TXNL4A: variants seen among roughly 807,000 people sequenced by gnomAD.
TXNL4A encodes the protein thioredoxin like 4A, also known as thioredoxin-like protein 4A.
In TXNL4A, 17 loss-of-function variants were observed where a neutral mutation model predicts 14.6. The observed-to-expected ratio is 1.16, with a 90% CI of 0.80 to 1.74. The LOEUF (loss-of-function observed/expected upper bound fraction) is 1.74. Among genes scored for constraint, TXNL4A ranks in the 40% most tolerant of loss-of-function variants. The pLI, the probability that TXNL4A is intolerant of heterozygous loss-of-function variation, is 0.00. For synonymous variants in TXNL4A, 83 were observed against 70.6 expected, an observed-to-expected ratio of 1.18 and a Z score of -0.88; for missense variants, 74 against 195.2, an observed-to-expected ratio of 0.38 and a Z score of 3.70.
chr18:79,986,256 G>A (rs1307215776), intron 1 of TXNL4A, among the ~76,000 whole-genome samples: 1 of 152,142 alleles, frequency 6.6e-6, no homozygotes, highest in African/African-American at 2.4e-5. Flanking sequence ...GGCTGGTCTC[G>A]AATCCCTGGG....
chr18:80,007,049 G>T (rs556196188), intron 1 of TXNL4A, among the ~76,000 whole-genome samples: 1 of 152,132 alleles, frequency 6.6e-6, no homozygotes, highest in Non-Finnish European at 1.5e-5. Context: ...CACAGCTGCC[G>T]GCATTCACCT....
intron 1 of TXNL4A, among the ~76,000 whole-genome samples, chr18:80,000,956 G>C (rs1444047018): frequency 2.0e-5 from 3 of 152,214 alleles, no homozygotes; most frequent in African/African-American, 7.2e-5. Flanking sequence ...CCAAATGTTA[G>C]TCACCAAGAC....
At chr18:80,029,680 T>A (rs1437282185) in intron 1 of TXNL4A, among the ~76,000 whole-genome samples, 1 of 152,116 alleles carries the variant, frequency 6.6e-6, no homozygotes, top group Admixed American at 6.6e-5. Flanking sequence ...TAAATTCACC[T>A]CCAGGCATTT....
At chr18:80,028,218 G>A (rs927951056) in intron 1 of TXNL4A, among the ~76,000 whole-genome samples, 1 of 148,652 alleles carries the variant, frequency 6.7e-6, no homozygotes, top group African/African-American at 2.5e-5. Context: ...GTGGCTTGAG[G>A]GCTGCCTCCT....
intron 2 of TXNL4A, among the ~76,000 whole-genome samples, chr18:79,975,218 G>A (rs1420492091): frequency 6.6e-6 from 1 of 152,184 alleles, no homozygotes; most frequent in Non-Finnish European, 1.5e-5. Context: ...TTACTCAGCT[G>A]TTTCTATCAG....
At chr18:79,999,296 G>A (rs941716637) in intron 1 of TXNL4A, among the ~76,000 whole-genome samples, 1 of 152,126 alleles carries the variant, frequency 6.6e-6, no homozygotes, top group Admixed American at 6.6e-5. Flanking sequence ...AGCACTTTGG[G>A]AGGCCGAGGC....
chr18:80,019,107 C>G (rs1320892649), intron 1 of TXNL4A, among the ~76,000 whole-genome samples: 2 of 152,226 alleles, frequency 1.3e-5, no homozygotes, highest in African/African-American at 4.8e-5. Flanking sequence ...TGCCTGTTAC[C>G]TAGTTCCAAA....
Position 79,982,261 on chromosome 18 carries a change from C to T in TXNL4A, c.154-4560G>A, listed in dbSNP as rs2051475854. On this transcript the variant is annotated intron_variant, in intron 1 of 2. Coordinates refer to ENST00000269601, the MANE Select transcript of TXNL4A (RefSeq NM_006701.5). This position sits in a 1 kb window ranked among gnomAD's most constrained non-coding sequence, Gnocchi z 4.0. ...GGACCGATGCGCAGGTGGACTGGCC[C>T]ACAGAGGACCTTTTCCACTTGGGAT... 6.6e-6 allele frequency among the ~76,000 whole-genome samples: 1 copy of T among 152,144 alleles called. No individual in the cohort carries two copies. Among genetic ancestry groups the T allele is most frequent in the South Asian group, 2.1e-4 (1 of 4,826 alleles).
intron 1 of TXNL4A, among the ~76,000 whole-genome samples, chr18:80,006,561 T>G (rs192929159): frequency 4.9e-4 from 74 of 152,220 alleles, no homozygotes; most frequent in Admixed American, 7.2e-4. Flanking sequence ...GTTTAGAAAT[T>G]TTATTTACTT....
chr18:79,980,786 G>A (rs562322192), intron 1 of TXNL4A, among the ~76,000 whole-genome samples: 5 of 151,250 alleles, frequency 3.3e-5, no homozygotes, highest in South Asian at 4.2e-4. Flanking sequence ...CATGCAACTC[G>A]CCATCCATGT....
chr18:80,024,161 G>C (rs542712433), intron 1 of TXNL4A, among the ~76,000 whole-genome samples: 1 of 151,772 alleles, frequency 6.6e-6, no homozygotes, highest in South Asian at 2.1e-4. Flanking sequence ...TTCTCAGCTG[G>C]GGGGGTCTGA....
At chr18:80,005,424 T>C (rs116121890) in intron 1 of TXNL4A, among the ~76,000 whole-genome samples, 2,777 of 152,332 alleles carry the variant, frequency 0.018, 87 homozygotes, top group African/African-American at 0.064. Flanking sequence ...AGTGCCTATG[T>C]AGGTATTCAT....
chr18:80,025,409 T>C (rs2051877936), intron 1 of TXNL4A, among the ~76,000 whole-genome samples: 1 of 152,196 alleles, frequency 6.6e-6, no homozygotes, highest in Non-Finnish European at 1.5e-5. Flanking sequence ...ACTTTTCTCC[T>C]TCATGTTTAA....
intron 1 of TXNL4A, among the ~76,000 whole-genome samples, chr18:80,002,382 G>A (rs982271190): frequency 4.6e-5 from 7 of 152,168 alleles, no homozygotes; most frequent in African/African-American, 1.7e-4. Flanking sequence ...GAAAGCAGAG[G>A]GGTTAAGTAT....
chr18:79,990,452 T>G (rs1717387744), upstream of TXNL4A, among the ~76,000 whole-genome samples: 1 of 152,304 alleles, frequency 6.6e-6, no homozygotes, highest in East Asian at 1.9e-4. Context: ...TCCTCATCCA[T>G]GAGATGGGAT....
intron 1 of TXNL4A, among the ~76,000 whole-genome samples, chr18:80,023,677 A>T (rs1164814672): frequency 6.6e-6 from 1 of 152,232 alleles, no homozygotes; most frequent in African/African-American, 2.4e-5. Flanking sequence ...ATGAATATTT[A>T]TTATTGAGGG....
chr18:79,999,536 CAAAAAAAAAA>C (rs1215965310), intron 1 of TXNL4A, among the ~76,000 whole-genome samples: 1 of 34,492 alleles, frequency 2.9e-5, no homozygotes, highest in Non-Finnish European at 6.8e-5. Context: ...GACTCCATCT[CAAAAAAAAAA>C]AAAAAAAAAA....
intron 1 of TXNL4A, among the ~76,000 whole-genome samples, chr18:80,016,115 A>G (rs1389673391): frequency 6.7e-6 from 1 of 149,350 alleles, no homozygotes; most frequent in Non-Finnish European, 1.5e-5. Context: ...ATGGCCAGTG[A>G]TGATGAGCAT....
At chr18:80,029,291 G>T (rs567468400) in intron 1 of TXNL4A, among the ~76,000 whole-genome samples, 1 of 152,144 alleles carries the variant, frequency 6.6e-6, no homozygotes, top group Admixed American at 6.5e-5. Context: ...TACTCTTGAT[G>T]TGTTATTTGT....
Sources: gnomAD v4.1 joint callset for allele counts (sites outside exome capture counted in the v4.1 genomes callset) on GRCh38, gnomAD v4.1.1 for gene constraint, Gnocchi (gnomAD v3.1) non-coding constraint, MANE v1.5 for transcripts, NCBI Gene and HGNC (gene_info 2026-07-23, HGNC 2026-07-21) for gene names.